The following NXPE2 variants were observed in gnomAD, a reference collection of about 807,000 sequenced individuals.
NXPE2 encodes NXPE family member 2.
NXPE2 carries 34 observed loss-of-function variants against 34.4 expected under a neutral mutation model. The ratio of observed to expected loss-of-function variants is 0.99; its 90% CI spans 0.75 to 1.31. NXPE2 has a LOEUF of 1.31. Ranked by LOEUF, NXPE2 falls within the 40% of genes most tolerant of loss-of-function variation. The pLI is 0.00. For synonymous variants in NXPE2, 235 were observed against 231.3 expected (o/e 1.02, Z -0.15); for missense variants, 649 against 672.5 (o/e 0.97, Z 0.39).
chr11:114,493,747 A>G, the NXPE2 span, among the ~76,000 whole-genome samples: 1 of 152,190 alleles, frequency 6.6e-6, no homozygotes, highest in African/African-American at 2.4e-5. Flanking sequence ...TTTATACACT[A>G]CAATTACGGT....
chr11:114,493,627 T>C, the NXPE2 span, among the ~76,000 whole-genome samples: 1 of 152,184 alleles, frequency 6.6e-6, no homozygotes, highest in Admixed American at 6.5e-5. Flanking sequence ...ACACTTTATC[T>C]TCTTGCTTTT....
At chr11:114,595,492 C>G in the NXPE2 span, 1 of 152,268 alleles carries the variant, frequency 6.6e-6, no homozygotes, top group Non-Finnish European at 1.5e-5. Context: ...ACCTTTCACC[C>G]CAGATCCCTA....
At chr11:114,511,960 T>G in the NXPE2 span, among the ~76,000 whole-genome samples, 7 of 152,208 alleles carry the variant, frequency 4.6e-5, no homozygotes, top group Admixed American at 1.3e-4. Flanking sequence ...TTGAACCTCT[T>G]TCCTTTACAA....
chr11:114,477,677 A>G, the NXPE2 span, among the ~76,000 whole-genome samples: 1 of 152,154 alleles, frequency 6.6e-6, no homozygotes, highest in African/African-American at 2.4e-5. Flanking sequence ...GAAACTTCAA[A>G]TACTATGCTG....
chr11:114,563,639 G>T, the NXPE2 span, among the ~76,000 whole-genome samples: 2 of 151,878 alleles, frequency 1.3e-5, no homozygotes, highest in Non-Finnish European at 1.5e-5. Flanking sequence ...AAAACAAACA[G>T]TCTATCAAAA....
the NXPE2 span, among the ~76,000 whole-genome samples, chr11:114,510,613 G>A: frequency 2.6e-5 from 4 of 152,318 alleles, no homozygotes; most frequent in African/African-American, 9.6e-5. Context: ...TGGTGAAGGA[G>A]TCCCATGTTG....
chr11:114,532,741 A>C, the NXPE2 span, among the ~76,000 whole-genome samples: 1 of 152,224 alleles, frequency 6.6e-6, no homozygotes, highest in Admixed American at 6.5e-5. Context: ...GCATATACAT[A>C]TAAAAGTATA....
the NXPE2 span, among the ~76,000 whole-genome samples, chr11:114,604,672 G>A: frequency 6.6e-6 from 1 of 151,768 alleles, no homozygotes; most frequent in Non-Finnish European, 1.5e-5. Flanking sequence ...ATATTGCCTC[G>A]TGGGTAACCA....
At chr11:114,710,578 G>C (rs1286074425), downstream of NXPE2, among the ~76,000 whole-genome samples, 1 of 152,100 alleles carries the variant, frequency 6.6e-6, no homozygotes, top group East Asian at 1.9e-4. Flanking sequence ...CTATAACTGA[G>C]AGGACATTGA....
the NXPE2 span, among the ~76,000 whole-genome samples, chr11:114,758,832 A>G: frequency 6.7e-6 from 1 of 148,262 alleles, no homozygotes; most frequent in South Asian, 2.1e-4. Flanking sequence ...TTCTATATAT[A>G]TTTTCTATAT....
the NXPE2 span, among the ~76,000 whole-genome samples, chr11:114,568,325 C>G: frequency 6.6e-6 from 1 of 152,098 alleles, no homozygotes; most frequent in Non-Finnish European, 1.5e-5. Context: ...TTCCTTACCT[C>G]AAGTAGAAAG....
At chr11:114,806,736 G>C in the NXPE2 span, among the ~76,000 whole-genome samples, 325 of 151,850 alleles carry the variant, frequency 2.1e-3, no homozygotes, top group Middle Eastern at 0.017. Context: ...GAAAGTGATG[G>C]GGAGAATGGA....
At chr11:114,657,132 G>T in the NXPE2 span, among the ~76,000 whole-genome samples, 1 of 151,996 alleles carries the variant, frequency 6.6e-6, no homozygotes, top group African/African-American at 2.4e-5. Flanking sequence ...TTTTAGTTCC[G>T]GATTGTACTA....
chr11:114,556,261 G>A, the NXPE2 span, among the ~76,000 whole-genome samples: 2 of 152,106 alleles, frequency 1.3e-5, no homozygotes, highest in African/African-American at 2.4e-5. Flanking sequence ...TTTACACCAC[G>A]TTCCTCCTTT....
the NXPE2 span, among the ~76,000 whole-genome samples, chr11:114,808,409 G>GTTTTT: frequency 6.6e-6 from 1 of 151,198 alleles, no homozygotes; most frequent in Non-Finnish European, 1.5e-5. Context: ...CCAGGAGCTG[G>GTTTTT]TTTTTTGAAA....
the NXPE2 span, among the ~76,000 whole-genome samples, chr11:114,525,478 G>A: frequency 6.6e-6 from 1 of 152,086 alleles, no homozygotes; most frequent in South Asian, 2.1e-4. Flanking sequence ...CTGCAGAGCC[G>A]GGTCCCAGAA....
the NXPE2 span, chr11:114,512,793 A>G: frequency 1.7e-5 from 3 of 172,594 alleles, no homozygotes; most frequent in South Asian, 1.5e-4. Context: ...TGGTAGTCAC[A>G]TGGGCCAGGG....
At chr11:114,533,157 T>C in the NXPE2 span, among the ~76,000 whole-genome samples, 3 of 152,198 alleles carry the variant, frequency 2.0e-5, no homozygotes, top group Non-Finnish European at 4.4e-5. Flanking sequence ...TTTTTTCCCT[T>C]CTTTTCTTTA....
At chr11:114,675,746 T>C (rs1950851727), upstream of NXPE2, among the ~76,000 whole-genome samples, 1 of 151,860 alleles carries the variant, frequency 6.6e-6, no homozygotes, top group African/African-American at 2.4e-5. Flanking sequence ...ATAAAAGTAA[T>C]AATTCTGAAA....
Sources: gnomAD v4.1 joint callset for allele counts (sites outside exome capture counted in the v4.1 genomes callset) on GRCh38, gnomAD v4.1.1 for gene constraint, MANE v1.5 for transcripts, NCBI Gene and HGNC (gene_info 2026-07-23, HGNC 2026-07-21) for gene names.